COL19A1: variants seen among roughly 807,000 people sequenced by gnomAD.
The protein encoded by COL19A1 is collagen type XIX alpha 1 chain, also known as collagen alpha-1(XIX) chain.
A neutral mutation model predicts 190.2 loss-of-function variants in COL19A1; 159 were observed. The observed-to-expected ratio is 0.84, with a 90% CI of 0.73 to 0.95. The LOEUF (loss-of-function observed/expected upper bound fraction) is 0.95, where lower values mean the gene tolerates loss of function less well. COL19A1 is among the 40% of genes least tolerant of loss of function. The pLI is 0.00. For missense variants in COL19A1, 1,418 were observed against 1,431.9 expected (o/e 0.99, Z 0.16); for synonymous variants, 509 against 458.9 (o/e 1.11, Z -1.39).
chr6:70,101,291 T>C (rs1783616964), intron 15 of COL19A1, among the ~76,000 whole-genome samples: 1 of 152,162 alleles, frequency 6.6e-6, no homozygotes, highest in Admixed American at 6.6e-5. Flanking sequence ...AAATGTATGC[T>C]TTCAATACCT....
chr6:70,114,316 A>G (rs1257771584), intron 16 of COL19A1, among the ~76,000 whole-genome samples: 1 of 152,152 alleles, frequency 6.6e-6, no homozygotes, highest in African/African-American at 2.4e-5. Context: ...CATCCTTCTC[A>G]CTGTGAGGTG....
chr6:70,084,247 G>A (rs1782449391), intron 15 of COL19A1, among the ~76,000 whole-genome samples: 1 of 152,064 alleles, frequency 6.6e-6, no homozygotes. Context: ...CTAACTTTAG[G>A]ATCGAGTTTA....
chr6:70,199,965 G>A (rs764155743), intron 49 of COL19A1: 1 of 417,952 alleles, frequency 2.4e-6, no homozygotes, highest in South Asian at 2.4e-5. Flanking sequence ...CCAAATGAGA[G>A]TTACCTGGTA....
intron 15 of COL19A1, among the ~76,000 whole-genome samples, chr6:70,085,501 A>G (rs948455675): frequency 9.2e-5 from 14 of 152,210 alleles, no homozygotes; most frequent in African/African-American, 7.2e-5. Flanking sequence ...TTGTACTTCT[A>G]ATGATATTCT....
intron 1 of COL19A1, among the ~76,000 whole-genome samples, chr6:69,868,077 G>A (rs1767587281): frequency 1.3e-5 from 2 of 151,344 alleles, no homozygotes; most frequent in Admixed American, 6.6e-5. Flanking sequence ...TAATGGAGGA[G>A]ATGAAACAAA....
intron 15 of COL19A1, among the ~76,000 whole-genome samples, chr6:70,101,876 G>GATAT (rs1783652642): frequency 6.6e-6 from 1 of 152,106 alleles, no homozygotes; most frequent in African/African-American, 2.4e-5. Context: ...ACCCATCTTA[G>GATAT]ACCATCTTTC....
intron 18 of COL19A1, among the ~76,000 whole-genome samples, chr6:70,135,574 T>G (rs745542017): frequency 6.6e-6 from 1 of 152,170 alleles, no homozygotes; most frequent in Non-Finnish European, 1.5e-5. Context: ...GCAGATGGGC[T>G]CACTGCCCAC....
intron 14 of COL19A1, among the ~76,000 whole-genome samples, chr6:70,049,786 A>T (rs191620428): frequency 6.6e-6 from 1 of 152,230 alleles, no homozygotes; most frequent in Non-Finnish European, 1.5e-5. Context: ...CCATTAGAAA[A>T]TTATAAGATG....
intron 7 of COL19A1, among the ~76,000 whole-genome samples, chr6:69,935,173 G>C (rs1773016955): frequency 6.6e-6 from 1 of 152,008 alleles, no homozygotes; most frequent in African/African-American, 2.4e-5. Flanking sequence ...AGTAACATTT[G>C]TTGAAAATAA....
intron 31 of COL19A1, 120 bp downstream of exon 31, chr6:70,151,558 A>G: frequency 2.3e-6 from 2 of 857,154 alleles, no homozygotes; most frequent in South Asian, 1.5e-5. Context: ...TTTAAATGGC[A>G]GGACATCTTT....
intron 11 of COL19A1, among the ~76,000 whole-genome samples, chr6:69,963,670 T>G (rs1321412890): frequency 6.6e-6 from 1 of 152,192 alleles, no homozygotes; most frequent in African/African-American, 2.4e-5. Context: ...CCAGAGCAGG[T>G]GTATAAGGGT....
chr6:69,916,383 T>C (rs1582384959), intron 4 of COL19A1, among the ~76,000 whole-genome samples: 1 of 152,336 alleles, frequency 6.6e-6, no homozygotes, highest in East Asian at 1.9e-4. Context: ...TGAAAACTTC[T>C]AAGTTTTCTA....
chr6:69,954,269 A>C (rs771765298), intron 9 of COL19A1, among the ~76,000 whole-genome samples: 3 of 151,960 alleles, frequency 2.0e-5, no homozygotes, highest in Admixed American at 1.3e-4. Flanking sequence ...GTGTCTATAC[A>C]CCCTGCTAAA....
chr6:70,046,539 A>T (rs894630066), intron 14 of COL19A1, among the ~76,000 whole-genome samples: 1 of 152,062 alleles, frequency 6.6e-6, no homozygotes, highest in Non-Finnish European at 1.5e-5. Flanking sequence ...TTTAATGCAG[A>T]GTGCTGGCCA....
chr6:69,952,121 T>A (rs1256242643), intron 9 of COL19A1, among the ~76,000 whole-genome samples: 1 of 151,842 alleles, frequency 6.6e-6, no homozygotes. Flanking sequence ...GGATTCTGAC[T>A]CCCCCACCTT....
chr6:70,049,134 C>T (rs1468413441), intron 14 of COL19A1, among the ~76,000 whole-genome samples: 1 of 151,972 alleles, frequency 6.6e-6, no homozygotes, highest in Non-Finnish European at 1.5e-5. Context: ...TATTTAGACA[C>T]TTTATGAGTT....
chr6:70,055,560 A>G (rs1031387830), intron 14 of COL19A1, among the ~76,000 whole-genome samples: 1 of 151,890 alleles, frequency 6.6e-6, no homozygotes, highest in African/African-American at 2.4e-5. Context: ...GGTGGGTGGA[A>G]CACCTGAGAT....
chr6:70,160,211 C>A lies in COL19A1; in HGVS notation c.2293-1689C>A, dbSNP rs544846266. On this transcript the variant is annotated intron_variant, in intron 34 of 50. Coordinates refer to ENST00000620364, the MANE Select transcript of COL19A1 (RefSeq NM_001858.6). The stretch of plus-strand genomic sequence containing the variant: ...GGCTGGGGAGGCCTCAGGAAACTTA[C>A]AATCATGACAGAAGGTGAAGAGGAG... 1.1e-4 allele frequency among the ~76,000 whole-genome samples: 16 copies of A among 152,192 alleles called. No individual in the cohort carries two copies. In the East Asian group the frequency reaches 3.1e-3, roughly 29 times the overall value.
chr6:70,171,562 C>A (rs755535061), intron 40 of COL19A1, among the ~76,000 whole-genome samples: 3 of 152,182 alleles, frequency 2.0e-5, no homozygotes, highest in Non-Finnish European at 2.9e-5. Context: ...GCTCCATCTT[C>A]ATCTACTCTT....
Sources: allele counts gnomAD v4.1 joint callset (sites outside exome capture counted in the v4.1 genomes callset), GRCh38; gene constraint gnomAD v4.1.1; transcripts MANE v1.5; gene names NCBI Gene and HGNC (gene_info 2026-07-23, HGNC 2026-07-21).